Variants in CENPF observed in about 807,000 individuals in gnomAD.
CENPF encodes AH antigen.
In CENPF, 214 loss-of-function variants were observed where a neutral mutation model predicts 307.3. That is an observed-to-expected ratio of 0.70 (90% CI 0.62 to 0.78). The LOEUF (loss-of-function observed/expected upper bound fraction) is 0.78. CENPF is among the 30% of genes least tolerant of loss of function. The pLI is 0.00. For synonymous variants in CENPF, 1,259 were observed against 1,270.6 expected (o/e 0.99, Z 0.19); for missense variants, 3,401 against 3,483.9 (o/e 0.98, Z 0.60).
chr1:214,655,245 A>T lies in CENPF; in HGVS notation c.8327A>T (p.Asp2776Val), dbSNP rs778043333. The part of the protein sequence containing the change: ...ILEELKKTKM[D>V]NLKYVNQLKK... ...GGAATTACTTTTATTTTGTAGATGG[A>T]CAATCTAAAATATGTAAATCAGTTG... The change falls in exon 17 of 20, where the codon GAC becomes GTC. Residue 2776 changes from aspartate to valine, a missense_variant. Coordinates refer to ENST00000366955, the MANE Select transcript of CENPF (RefSeq NM_016343.4). The T allele has an allele frequency of 6.3e-6, 10 of 1,574,952 alleles. No individual in the cohort carries two copies. In the Admixed American group the frequency reaches 1.9e-4, roughly 29 times the overall value.
rs1657295735 is a variant in CENPF, at chr1:214,614,958, G to A, written c.289G>A (p.Val97Met). ...TGAACTTCAAGTCAAGGAGTCACAAGTGAATTTCCAGGAAGGACAACTGAA... is the reference window on the plus strand; with the variant it reads ...TGAACTTCAAGTCAAGGAGTCACAAATGAATTTCCAGGAAGGACAACTGAA... ...SHELQVKESQVNFQEGQLNSG... is the reference protein window; with the variant it reads ...SHELQVKESQMNFQEGQLNSG... The change falls in exon 3 of 20, where the codon GTG becomes ATG. Residue 97 changes from valine to methionine, a missense_variant. Val to Met is a conservative substitution (Grantham distance 21). Coordinates refer to ENST00000366955, the MANE Select transcript of CENPF (RefSeq NM_016343.4). 6.2e-7 allele frequency: 1 copy of A among 1,611,190 alleles called. No homozygotes were observed. Among genetic ancestry groups the A allele is most frequent in the African/African-American group, 1.3e-5 (1 of 74,910 alleles).
intron 12 of CENPF, among the ~76,000 whole-genome samples, 180 bp from the exon 13 acceptor site, chr1:214,644,377 A>T (rs1658220130): frequency 6.6e-6 from 1 of 152,260 alleles, no homozygotes; most frequent in African/African-American, 2.4e-5. Flanking sequence ...CACTTACTGA[A>T]CGTATAAGTA....
chr1:214,638,049 C>T (rs370327691), intron 11 of CENPF, 48 bp downstream of exon 11: 124 of 1,531,366 alleles, frequency 8.1e-5, no homozygotes, highest in Middle Eastern at 3.5e-4. Context: ...CTGCTATTCC[C>T]GTGAGAGGGG....
In CENPF at chr1:214,646,442, C is replaced by T. The variant is rs772862529; in HGVS notation, c.6872C>T (p.Pro2291Leu). 2 of 1,614,014 alleles carry T rather than the reference C, an allele frequency of 1.2e-6. No individual in the cohort carries two copies. The highest frequency in any genetic ancestry group is 1.3e-5 in the African/African-American group (1 of 75,004). Residue 2291 changes from proline to leucine, a missense_variant, in exon 13 of 20, where the codon CCA becomes CTA. Transcript: ENST00000366955. ...IMKATEQSLD[P>L]PIEEEHQLRN... Reference sequence around the variant, plus strand: ...AAGGCCACAGAACAGAGTCTAGACCCACCAATAGAGGAAGAGCATCAGCTG... The same window carrying T: ...AAGGCCACAGAACAGAGTCTAGACCTACCAATAGAGGAAGAGCATCAGCTG...
rs111640343 is a variant in CENPF, at chr1:214,630,178, A to G, written c.1195-356A>G. ...TGTGTTTTAAACACCGTTTTTGAGT[A>G]TGTTTGGTTTCTTAGTTGAGCTTTG... On this transcript the variant is annotated intron_variant, in intron 8 of 19. Transcript: ENST00000366955. 4.6e-3 allele frequency among the ~76,000 whole-genome samples: 698 copies of G among 152,170 alleles called. 8 individuals are homozygous for G. The highest frequency in any genetic ancestry group is 0.016 in the African/African-American group (657 of 41,514).
chr1:214,633,925 G>T (rs760980287), intron 10 of CENPF, among the ~76,000 whole-genome samples: 4 of 152,192 alleles, frequency 2.6e-5, no homozygotes, highest in Non-Finnish European at 5.9e-5. Flanking sequence ...TTTCAGCCAG[G>T]AACTCTCCCG....
intron 10 of CENPF, 98 bp downstream of exon 10, chr1:214,632,700 CTG>C: frequency 1.4e-6 from 2 of 1,393,940 alleles, no homozygotes; most frequent in South Asian, 2.8e-5. Context: ...CTTGTCATGA[CTG>C]TGTGCCTTTT....
chr1:214,658,715 C>T, intron 18 of CENPF, 135 bp from the exon 19 acceptor site: 1 of 731,526 alleles, frequency 1.4e-6, no homozygotes, highest in Admixed American at 2.8e-5. Context: ...AAGTGTAATC[C>T]ATTGACCACA....
intron 10 of CENPF, among the ~76,000 whole-genome samples, chr1:214,634,724 G>A (rs969061289): frequency 6.6e-6 from 1 of 152,212 alleles, no homozygotes; most frequent in African/African-American, 2.4e-5. Context: ...CAGAAAGTGT[G>A]ATCAGGGGAC....
chr1:214,605,841 C>T (rs1657012243), intron 1 of CENPF: 2 of 1,595,608 alleles, frequency 1.3e-6, no homozygotes, highest in Admixed American at 1.7e-5. Flanking sequence ...TCGATCACCT[C>T]GTCCTCCGTG....
At chr1:214,610,938 A>T (rs1191378702) in intron 1 of CENPF, among the ~76,000 whole-genome samples, 1 of 152,204 alleles carries the variant, frequency 6.6e-6, no homozygotes, top group Non-Finnish European at 1.5e-5. Context: ...TGAATAGGGA[A>T]TCCTTTCCCC....
rs1658861782 is a variant in CENPF, at chr1:214,664,269, T to C, written c.*475T>C. The C allele has an allele frequency of 6.4e-6, 1 of 156,108 alleles. No homozygotes were observed. Among genetic ancestry groups the C allele is most frequent in the African/African-American group, 2.4e-5 (1 of 41,474 alleles). 9.7% of individuals were successfully genotyped at this position (156,108 alleles called of 1,614,324 possible). A position where few individuals can be genotyped will look rare whatever the true frequency, so the allele number is the denominator to read the frequency against. ...AGCTGAGTAAAATGAAGGAAAAGCA[T>C]GTTATGTGTTTTTAAGGAAAATGTG... On this transcript the variant is annotated 3_prime_UTR_variant, in exon 20 of 20. Transcript: ENST00000366955.
rs1316467008 is a variant in CENPF, at chr1:214,638,008, A to T, written c.1582+7A>T. ...TTTGCAGAAGAAATGAAAGGTAAGT[A>T]AACTTAGTATTTTAGAGTTACCTTT... On this transcript the variant is annotated splice_region_variant and intron_variant, in intron 11 of 19. Coordinates refer to ENST00000366955, the MANE Select transcript of CENPF (RefSeq NM_016343.4). 1.2e-6 allele frequency: 2 copies of T among 1,607,418 alleles called. No homozygotes were observed. The highest frequency in any genetic ancestry group is 2.2e-5 in the South Asian group (2 of 89,450).
chr1:214,606,092 G>T (rs1657021463), intron 1 of CENPF: 2 of 1,586,312 alleles, frequency 1.3e-6, no homozygotes, highest in East Asian at 2.2e-5. Flanking sequence ...GGAGGCGCCG[G>T]AGCAGGGTCA....
chr1:214,613,546 T>C (rs938228690), intron 1 of CENPF, 168 bp from the exon 2 acceptor site: 1 of 439,168 alleles, frequency 2.3e-6, no homozygotes. Flanking sequence ...GAATCAATTA[T>C]TGGTTGCCAC....
At chr1:214,622,484 G>C (rs1262261472) in intron 7 of CENPF, among the ~76,000 whole-genome samples, 1 of 152,232 alleles carries the variant, frequency 6.6e-6, no homozygotes, top group Non-Finnish European at 1.5e-5. Flanking sequence ...TTTCCCAGCT[G>C]AGTGACGTTG....
In CENPF at chr1:214,642,562, A is replaced by G. The variant is rs367938541; in HGVS notation, c.4224A>G (p.Gln1408=). The change falls in exon 12 of 20, where the codon CAA becomes CAG. Residue 1408 remains glutamine, a synonymous_variant. Coordinates refer to ENST00000366955, the MANE Select transcript of CENPF (RefSeq NM_016343.4). ...KEVQMHFAEL[Q]EKFLSLQSEH... is the part of the protein sequence containing the mutation. ...TTCAAATGCACTTTGCCGAATTGCA[A>G]GAGAAATTCTTATCTTTACAAAGTG... 1.7e-5 allele frequency: 27 copies of G among 1,610,726 alleles called. No individual in the cohort carries two copies. The highest frequency in any genetic ancestry group is 2.3e-5 in the Non-Finnish European group (27 of 1,178,640).
intron 10 of CENPF, among the ~76,000 whole-genome samples, chr1:214,635,313 ATTTGT>A (rs1174054304): frequency 1.3e-5 from 2 of 152,216 alleles, no homozygotes. Context: ...AGTAGCTGAA[ATTTGT>A]TTTGTCTGGC....
rs1003052509 is a variant in CENPF at position 214,605,634 on chromosome 1, G to C, written c.-42+2313G>C. The C allele has an allele frequency of 5.3e-6, 8 of 1,509,772 alleles. No individual in the cohort carries two copies. The African/African-American group carries it at 1.1e-4, about 21-fold the overall frequency. The allele number at this position is 1,509,772 out of a possible 1,614,324, so 93.5% of individuals were successfully genotyped here. A position where few individuals can be genotyped will look rare whatever the true frequency, so the allele number is the denominator to read the frequency against. ...GGGGCCGGCGCGGGGTGAGGTCCGG[G>C]GGCTGCCTTATTGCTGAGGTCTGGC... On this transcript the variant is annotated intron_variant, in intron 1 of 19. Coordinates refer to ENST00000366955, the MANE Select transcript of CENPF (RefSeq NM_016343.4).
Sources: gnomAD v4.1 joint callset for allele counts (sites outside exome capture counted in the v4.1 genomes callset) on GRCh38, gnomAD v4.1.1 for gene constraint, MANE v1.5 for transcripts, NCBI Gene and HGNC (gene_info 2026-07-23, HGNC 2026-07-21) for gene names.